The following CA10 variants were observed in gnomAD, a reference collection of about 807,000 sequenced individuals.
CA10 encodes carbonic anhydrase-related protein 10.
A neutral mutation model predicts 44.2 loss-of-function variants in CA10; 14 were observed. The observed-to-expected ratio is 0.32, with a 90% CI of 0.21 to 0.50. The LOEUF (loss-of-function observed/expected upper bound fraction) is 0.50. CA10 is among the 20% of genes least tolerant of loss of function. CA10 has a pLI of 0.99. For missense variants in CA10, 350 were observed against 409.7 expected (o/e 0.85, Z 1.26); for synonymous variants, 159 against 141.6 (o/e 1.12, Z -0.87).
At chr17:51,725,530 G>T (rs771652112) in intron 4 of CA10, among the ~76,000 whole-genome samples, 11 of 152,190 alleles carry the variant, frequency 7.2e-5, no homozygotes, top group Non-Finnish European at 1.0e-4. Flanking sequence ...GCCCTCTTGG[G>T]TGTCTCCACA....
At chr17:51,645,509 T>C (rs1237211803) in intron 6 of CA10, among the ~76,000 whole-genome samples, 2 of 152,226 alleles carry the variant, frequency 1.3e-5, no homozygotes, top group African/African-American at 4.8e-5. Flanking sequence ...CAGGATGTAC[T>C]TGAACTGCCA....
intron 1 of CA10, among the ~76,000 whole-genome samples, chr17:52,105,251 GT>G (rs1176515697): frequency 2.1e-5 from 3 of 141,210 alleles, no homozygotes; most frequent in African/African-American, 5.1e-5. Context: ...AAATCCTCAT[GT>G]TTTTTTGTTT....
At chr17:52,112,470 G>A (rs1192013960) in intron 1 of CA10, among the ~76,000 whole-genome samples, 1 of 152,138 alleles carries the variant, frequency 6.6e-6, no homozygotes, top group Non-Finnish European at 1.5e-5. Flanking sequence ...AAAAGACCAC[G>A]CTGGCCACAA....
chr17:51,871,644 C>T (rs1979821374), intron 3 of CA10, among the ~76,000 whole-genome samples: 1 of 151,952 alleles, frequency 6.6e-6, no homozygotes. Context: ...CTCAGCCTCC[C>T]AAAGTGCTGG....
intron 3 of CA10, among the ~76,000 whole-genome samples, chr17:51,929,996 G>C (rs898141809): frequency 6.6e-6 from 1 of 152,126 alleles, no homozygotes; most frequent in Non-Finnish European, 1.5e-5. Flanking sequence ...TGAGTCATTA[G>C]GGGTGTGTGT....
chr17:52,039,355 T>A (rs1986705640), intron 2 of CA10, among the ~76,000 whole-genome samples: 1 of 152,050 alleles, frequency 6.6e-6, no homozygotes. Flanking sequence ...TAGAAGCTGA[T>A]AGAAAATTTC....
chr17:51,865,393 G>T (rs1979496894), intron 3 of CA10, among the ~76,000 whole-genome samples: 1 of 152,188 alleles, frequency 6.6e-6, no homozygotes, highest in South Asian at 2.1e-4. Context: ...CTGAATTAAT[G>T]AACGAATCTA....
chr17:52,139,106 G>A (rs1989422354), intron 1 of CA10, among the ~76,000 whole-genome samples: 1 of 152,162 alleles, frequency 6.6e-6, no homozygotes. Context: ...TGTAGGGGGA[G>A]GAGAGAAAGA....
At chr17:52,095,209 A>G (rs1315192253) in intron 1 of CA10, among the ~76,000 whole-genome samples, 2 of 152,198 alleles carry the variant, frequency 1.3e-5, no homozygotes, top group Non-Finnish European at 2.9e-5. Context: ...GAAGCCAGAC[A>G]CAAAGAGTAC....
At chr17:51,683,612 T>C (rs902212364) in intron 4 of CA10, among the ~76,000 whole-genome samples, 3 of 152,210 alleles carry the variant, frequency 2.0e-5, no homozygotes, top group African/African-American at 7.2e-5. Context: ...ACTTTTCTTC[T>C]CACTTTTGGG....
chr17:51,710,369 G>C (rs1915895719), intron 4 of CA10, among the ~76,000 whole-genome samples: 2 of 152,096 alleles, frequency 1.3e-5, no homozygotes, highest in Admixed American at 1.3e-4. Context: ...CTACAGGCTG[G>C]AGGAGCTCCC....
chr17:51,643,670 C>G (rs1019372920), intron 6 of CA10, among the ~76,000 whole-genome samples: 1 of 152,196 alleles, frequency 6.6e-6, no homozygotes, highest in African/African-American at 2.4e-5. Context: ...TTAAAACAAG[C>G]AAATTCTGTT....
chr17:51,652,459 C>A (rs1913609419), intron 5 of CA10, among the ~76,000 whole-genome samples: 2 of 152,192 alleles, frequency 1.3e-5, no homozygotes, highest in South Asian at 4.1e-4. Flanking sequence ...GCTTCCCTGG[C>A]CAAATGTCCC....
intron 2 of CA10, among the ~76,000 whole-genome samples, chr17:51,957,765 T>G (rs1185692333): frequency 6.6e-6 from 1 of 152,134 alleles, no homozygotes; most frequent in Non-Finnish European, 1.5e-5. Flanking sequence ...TCTCCTAGAG[T>G]GCCATGCATT....
At position 51,653,731 on chromosome 17, in the gene CA10, C is replaced by G; in HGVS notation, c.471G>C (p.Gln157His). The part of the protein sequence containing the change: ...LNGQAFSGEV[Q>H]LIHYNHELYT... ...ATAGCTCATGGTTATAGTGGATGAG[C>G]TGCACCTGGCAGGAGGGAAAAACAA... Residue 157 changes from glutamine (Q) to histidine (H), a missense_variant, in exon 5 of 9, where the codon CAG (glutamine) becomes CAC (histidine). By Grantham distance (24) the Gln-to-His change is conservative. Coordinates refer to ENST00000451037, the MANE Select transcript of CA10 (RefSeq NM_020178.5). 1.3e-6 allele frequency: 2 copies of G among 1,598,838 alleles called. No individual in the cohort carries two copies. The highest frequency in any genetic ancestry group is 8.6e-7 in the Non-Finnish European group (1 of 1,166,158).
At chr17:51,943,678 A>G (rs1356836857) in intron 2 of CA10, among the ~76,000 whole-genome samples, 2 of 152,176 alleles carry the variant, frequency 1.3e-5, no homozygotes, top group Non-Finnish European at 2.9e-5. Flanking sequence ...CTCTGATTAA[A>G]TAAGTCTATG....
chr17:51,884,513 T>G (rs1980512880), intron 3 of CA10, among the ~76,000 whole-genome samples: 1 of 152,168 alleles, frequency 6.6e-6, no homozygotes, highest in African/African-American at 2.4e-5. Flanking sequence ...ATCCAGGTCT[T>G]TGACTTTATG....
intron 3 of CA10, among the ~76,000 whole-genome samples, chr17:51,930,715 G>T (rs998986503): frequency 3.3e-5 from 5 of 152,090 alleles, no homozygotes; most frequent in Admixed American, 3.3e-4. Flanking sequence ...TGGCCACTAT[G>T]CTTTCTGTCC....
At chr17:51,903,788 A>C (rs1041120510) in intron 3 of CA10, among the ~76,000 whole-genome samples, 1 of 152,138 alleles carries the variant, frequency 6.6e-6, no homozygotes, top group African/African-American at 2.4e-5. Flanking sequence ...GAGCTCCAAA[A>C]TATTCTGGCA....
Sources: allele counts gnomAD v4.1 joint callset (sites outside exome capture counted in the v4.1 genomes callset), GRCh38; gene constraint gnomAD v4.1.1; transcripts MANE v1.5; gene names NCBI Gene and HGNC (gene_info 2026-07-23, HGNC 2026-07-21).